Variants in RELN observed in about 807,000 individuals in gnomAD.
RELN encodes reelin.
In RELN, 108 loss-of-function variants were observed where a neutral mutation model predicts 427.6. That is an observed-to-expected ratio of 0.25 (90% CI 0.22 to 0.30). The LOEUF (loss-of-function observed/expected upper bound fraction) is 0.30. Ranked by LOEUF, RELN falls within the 10% of genes least tolerant of loss-of-function variation. The pLI, the probability that RELN is intolerant of heterozygous loss-of-function variation, is 1.00. For synonymous variants in RELN, 1,524 were observed against 1,513.4 expected (o/e 1.01, Z -0.16); for missense variants, 3,715 against 4,302.8 (o/e 0.86, Z 3.82).
In RELN at chr7:103,540,297, G is replaced by A. The variant is rs374796794; in HGVS notation, c.6830C>T (p.Ala2277Val). The change falls in exon 44 of 65, where the codon GCC (alanine) becomes GTC (valine). Residue 2277 changes from alanine to valine, a missense_variant. Around this residue, in one of 4 missense-constraint regions of RELN, gnomAD observed 1,310 missense variants for 1,643.0 expected, o/e 0.80. Coordinates refer to ENST00000428762, the MANE Select transcript of RELN (RefSeq NM_005045.4). ...SNSSNVGRYI[A>V]LEIPLKARSG... The stretch of plus-strand genomic sequence containing the variant: ...ACGGGCTTTCAAGGGTATCTCCAGG[G>A]CAATGTACCTGCCCACATTGCTGGA... 2.5e-6 allele frequency: 4 copies of A among 1,614,044 alleles called. No individual in the cohort carries two copies. Among genetic ancestry groups the A allele is most frequent in the Admixed American group, 1.7e-5 (1 of 59,994 alleles).
At chr7:103,665,423 C>T (rs370062127) in intron 11 of RELN, among the ~76,000 whole-genome samples, 1 of 151,798 alleles carries the variant, frequency 6.6e-6, no homozygotes. Context: ...GCTGAGCTCC[C>T]TCTGTCCCTC....
chr7:103,598,852 T>C (rs1584330823), intron 24 of RELN, among the ~76,000 whole-genome samples: 1 of 152,236 alleles, frequency 6.6e-6, no homozygotes, highest in African/African-American at 2.4e-5. Flanking sequence ...CAGAATTCAA[T>C]GTAACATATG....
intron 4 of RELN, 57 bp downstream of exon 4, chr7:103,776,500 C>T: frequency 6.4e-7 from 1 of 1,555,082 alleles, no homozygotes; most frequent in Non-Finnish European, 8.9e-7. Flanking sequence ...ACATAGAACA[C>T]AGGACCTACC....
intron 60 of RELN, among the ~76,000 whole-genome samples, chr7:103,489,289 A>C (rs114109596): frequency 0.014 from 2,135 of 152,012 alleles, 61 homozygotes; most frequent in African/African-American, 0.05. Flanking sequence ...TCTTAGGAGA[A>C]CAGTGGCAGC....
At chr7:103,834,782 C>G (rs113179233) in intron 2 of RELN, among the ~76,000 whole-genome samples, 1 of 152,132 alleles carries the variant, frequency 6.6e-6, no homozygotes, top group African/African-American at 2.4e-5. Flanking sequence ...GTCCCAAATC[C>G]GGAATACTGA....
At chr7:103,965,056 G>A (rs984752777) in intron 1 of RELN, among the ~76,000 whole-genome samples, 1 of 152,150 alleles carries the variant, frequency 6.6e-6, no homozygotes, top group South Asian at 2.1e-4. Context: ...CTATAAAAAG[G>A]TAAAATTTAA....
intron 42 of RELN, 101 bp from the exon 43 acceptor site, chr7:103,542,979 A>C: frequency 8.9e-7 from 1 of 1,126,178 alleles, no homozygotes; most frequent in Non-Finnish European, 1.3e-6. Context: ...TAGTTTCAAA[A>C]TATGAAGTCA....
intron 2 of RELN, among the ~76,000 whole-genome samples, chr7:103,855,518 G>C (rs1793924456): frequency 6.6e-6 from 1 of 152,200 alleles, no homozygotes; most frequent in African/African-American, 2.4e-5. Context: ...GGCATGAGAA[G>C]GGCAAGGATT....
intron 1 of RELN, among the ~76,000 whole-genome samples, chr7:103,987,822 T>G (rs974867264): frequency 3.3e-5 from 5 of 152,194 alleles, no homozygotes; most frequent in South Asian, 2.1e-4. Context: ...TTTCTAAAAT[T>G]CCACCAAATT....
In RELN at chr7:103,551,045, G is replaced by T. The variant is rs759368410; in HGVS notation, c.6302+22C>A. On this transcript the variant is annotated intron_variant, in intron 41 of 64. Transcript: ENST00000428762. ...AACTGTCAAAGGAGAAACAAATGTGGCGTCAAGCAGCGGGTCCTTACCCAC... is the reference window on the plus strand; with the variant it reads ...AACTGTCAAAGGAGAAACAAATGTGTCGTCAAGCAGCGGGTCCTTACCCAC... The T allele has an allele frequency of 1.6e-5, 25 of 1,579,648 alleles. 1 individual carries two copies. The South Asian group carries it at 2.8e-4, about 18-fold the overall frequency.
chr7:103,920,458 CAAAT>C (rs757858565), intron 1 of RELN, among the ~76,000 whole-genome samples: 10 of 151,530 alleles, frequency 6.6e-5, no homozygotes, highest in Middle Eastern at 6.9e-3. Flanking sequence ...AAATGGGTAA[CAAAT>C]AATATTTTCC....
At chr7:103,846,032 T>C (rs2116448017) in intron 2 of RELN, among the ~76,000 whole-genome samples, 2 of 152,304 alleles carry the variant, frequency 1.3e-5, no homozygotes, top group Admixed American at 1.3e-4. Context: ...TCAAATCTAT[T>C]CCCATTGAGC....
rs773355295 is a variant in RELN at position 103,486,402 on chromosome 7, C to T, written c.9778G>A (p.Val3260Ile). ...DESFQGDDCS[V>I]FSHDLPSYIK... ...TAACTGGGAAGGTCGTGACTGAAAA[C>T]AGAGCAGTCATCACCTAGAGGACAA... The change falls in exon 61 of 65, where the codon GTT (valine) becomes ATT (isoleucine). Residue 3260 changes from valine to isoleucine, a missense_variant. Val to Ile is a conservative substitution (Grantham distance 29, BLOSUM62 3). Transcript: ENST00000428762. 6.2e-7 allele frequency: 1 copy of T among 1,613,914 alleles called. No homozygotes were observed. The highest frequency in any genetic ancestry group is 8.5e-7 in the Non-Finnish European group (1 of 1,179,830).
At chr7:103,526,729 T>C (rs1829830135) in intron 46 of RELN, among the ~76,000 whole-genome samples, 1 of 152,198 alleles carries the variant, frequency 6.6e-6, no homozygotes, top group Non-Finnish European at 1.5e-5. Context: ...GTGCTGATGC[T>C]TCCCTGTCAG....
chr7:103,503,357 G>T (rs1420590617), intron 51 of RELN, 127 bp from the exon 52 acceptor site: 1 of 805,732 alleles, frequency 1.2e-6, no homozygotes, highest in Non-Finnish European at 2.1e-6. Context: ...TGTATTTTCA[G>T]ATTCATTATT....
intron 3 of RELN, among the ~76,000 whole-genome samples, chr7:103,818,101 A>G (rs977130580): frequency 1.3e-5 from 2 of 152,136 alleles, no homozygotes; most frequent in African/African-American, 4.8e-5. Flanking sequence ...ACCTTACAAA[A>G]GAAAAAATGG....
chr7:103,526,069 G>T (rs915080548), intron 46 of RELN, among the ~76,000 whole-genome samples: 4 of 152,168 alleles, frequency 2.6e-5, no homozygotes, highest in Non-Finnish European at 5.9e-5. Flanking sequence ...GCTGTGGAGG[G>T]GTGGTAATCT....
At chr7:103,959,082 A>G (rs938711634) in intron 1 of RELN, among the ~76,000 whole-genome samples, 14 of 149,272 alleles carry the variant, frequency 9.4e-5, no homozygotes, top group Admixed American at 9.3e-4. Flanking sequence ...AGTTGGGATT[A>G]CAGGCACCTG....
intron 49 of RELN, among the ~76,000 whole-genome samples, chr7:103,515,854 G>T (rs1017616251): frequency 2.0e-5 from 3 of 152,152 alleles, no homozygotes; most frequent in African/African-American, 7.2e-5. Context: ...TTTTCACTCT[G>T]TTTCCATGAG....
Sources: gnomAD v4.1 joint callset for allele counts (sites outside exome capture counted in the v4.1 genomes callset) on GRCh38, gnomAD v4.1.1 for gene constraint, gnomAD v4.1.1 regional missense constraint, MANE v1.5 for transcripts, NCBI Gene and HGNC (gene_info 2026-07-23, HGNC 2026-07-21) for gene names.